The following PTPRD variants were observed in gnomAD, a reference collection of about 807,000 sequenced individuals.
The protein encoded by PTPRD is protein tyrosine phosphatase receptor type D.
A neutral mutation model predicts 214.5 loss-of-function variants in PTPRD; 34 were observed. The ratio of observed to expected loss-of-function variants is 0.16; its 90% confidence interval spans 0.12 to 0.21. The LOEUF (loss-of-function observed/expected upper bound fraction) is 0.21, where lower values mean the gene tolerates loss of function less well. Among genes scored for constraint, PTPRD ranks in the 10% least tolerant of loss-of-function variants. The pLI is 1.00. For missense variants in PTPRD, 2,545 were observed against 2,398.7 expected (o/e 1.06, Z -1.27); for synonymous variants, 1,128 against 845.7 (o/e 1.33, Z -5.79).
At chr9:9,721,867 C>G (rs544790843) in intron 7 of PTPRD, among the ~76,000 whole-genome samples, 70 of 152,060 alleles carry the variant, frequency 4.6e-4, no homozygotes, top group South Asian at 1.9e-3. Flanking sequence ...CAGTAATAAT[C>G]AAAGAGTAGG....
chr9:8,995,149 G>A (rs1390429315), intron 11 of PTPRD, among the ~76,000 whole-genome samples: 1 of 151,894 alleles, frequency 6.6e-6, no homozygotes, highest in Non-Finnish European at 1.5e-5. Context: ...TTTAAAAGGA[G>A]GAGAAACTTA....
chr9:10,506,034 T>C (rs969552996), intron 2 of PTPRD, among the ~76,000 whole-genome samples: 4 of 152,086 alleles, frequency 2.6e-5, no homozygotes, highest in African/African-American at 4.8e-5. Context: ...ATAAATATCA[T>C]TGAATCAAGG....
intron 8 of PTPRD, among the ~76,000 whole-genome samples, chr9:9,482,826 G>A (rs929286081): frequency 6.6e-6 from 1 of 152,044 alleles, no homozygotes; most frequent in African/African-American, 2.4e-5. Flanking sequence ...TTTTACTGAA[G>A]GATTTAAATA....
intron 9 of PTPRD, among the ~76,000 whole-genome samples, chr9:9,279,394 A>G (rs1946845446): frequency 7.0e-6 from 1 of 143,756 alleles, no homozygotes; most frequent in Non-Finnish European, 1.6e-5. Context: ...ATAGATAGAT[A>G]TAACACTTTA....
In PTPRD at chr9:10,053,327, CTT is replaced by C. The variant is rs1368751087; in HGVS notation, c.-544-19539_-544-19538del. Among the ~76,000 whole-genome samples, 3 of 152,152 alleles carry C rather than the reference CTT, an allele frequency of 2.0e-5. 1 individual carries two copies. The highest frequency in any genetic ancestry group is 7.2e-5 in the African/African-American group (3 of 41,438). ...TGCCTTATTTCTGCAATCATATTCT[CTT>C]TTGTTCTTAGTATTCCAAGATGAGG... On this transcript the variant is annotated intron_variant, in intron 3 of 45. Coordinates refer to ENST00000381196, the MANE Select transcript of PTPRD (RefSeq NM_002839.4).
intron 13 of PTPRD, among the ~76,000 whole-genome samples, chr9:8,635,746 A>G (rs2096410246): frequency 6.6e-6 from 1 of 152,116 alleles, no homozygotes. Context: ...GAGTTTCACA[A>G]TTTCAGGCAG....
At chr9:10,011,294 G>T (rs1054450117) in intron 4 of PTPRD, among the ~76,000 whole-genome samples, 7 of 151,910 alleles carry the variant, frequency 4.6e-5, no homozygotes, top group Admixed American at 2.0e-4. Flanking sequence ...ATATTGGTGG[G>T]TTGGATTGAA....
At chr9:10,595,443 C>T (rs2076400148) in intron 2 of PTPRD, among the ~76,000 whole-genome samples, 1 of 151,552 alleles carries the variant, frequency 6.6e-6, no homozygotes. Flanking sequence ...CTCTAAATTT[C>T]TGCAAAGGGA....
chr9:10,503,522 G>T (rs2044620018), intron 2 of PTPRD, among the ~76,000 whole-genome samples: 2 of 151,942 alleles, frequency 1.3e-5, no homozygotes, highest in African/African-American at 4.8e-5. Context: ...GAGAGGGGCA[G>T]GATATATAGA....
intron 10 of PTPRD, among the ~76,000 whole-genome samples, chr9:9,125,307 G>A (rs1476843550): frequency 6.6e-6 from 1 of 152,116 alleles, no homozygotes; most frequent in Non-Finnish European, 1.5e-5. Context: ...CCAGAGAAGG[G>A]CTGATATTTC....
chr9:8,867,151 C>G (rs150785748), intron 11 of PTPRD, among the ~76,000 whole-genome samples: 2 of 152,208 alleles, frequency 1.3e-5, no homozygotes, highest in African/African-American at 4.8e-5. Flanking sequence ...GACGGACACT[C>G]TTAATATCTC....
At chr9:9,449,150 C>A (rs1447447229) in intron 8 of PTPRD, among the ~76,000 whole-genome samples, 1 of 152,010 alleles carries the variant, frequency 6.6e-6, no homozygotes, top group Non-Finnish European at 1.5e-5. Flanking sequence ...ACAGTGAATT[C>A]TTTCTTCACG....
At chr9:9,629,490 T>C (rs1320903141) in intron 7 of PTPRD, among the ~76,000 whole-genome samples, 1 of 152,078 alleles carries the variant, frequency 6.6e-6, no homozygotes, top group South Asian at 2.1e-4. Context: ...CTGATTGTAA[T>C]TTGGGGATAT....
intron 8 of PTPRD, among the ~76,000 whole-genome samples, chr9:9,566,946 AT>A (rs1301409746): frequency 4.6e-5 from 7 of 152,226 alleles, no homozygotes; most frequent in South Asian, 2.1e-4. Context: ...TATGACAGTG[AT>A]TACAGAGTCA....
chr9:9,992,554 T>A (rs547113531), intron 4 of PTPRD, among the ~76,000 whole-genome samples: 5 of 152,324 alleles, frequency 3.3e-5, no homozygotes, highest in African/African-American at 9.6e-5. Flanking sequence ...CCAACCCAAA[T>A]GTCCATCAAT....
chr9:10,024,963 T>C (rs1349500788), intron 4 of PTPRD, among the ~76,000 whole-genome samples: 1 of 151,868 alleles, frequency 6.6e-6, no homozygotes, highest in South Asian at 2.1e-4. Context: ...CATGAACTCA[T>C]CATTTTTTAT....
intron 12 of PTPRD, among the ~76,000 whole-genome samples, chr9:8,730,325 G>C (rs1215918328): frequency 1.3e-5 from 2 of 152,068 alleles, no homozygotes; most frequent in Non-Finnish European, 2.9e-5. Context: ...TTAACAATAA[G>C]GAAGGAGAAT....
At chr9:9,230,303 CA>C (rs1377151043) in intron 9 of PTPRD, among the ~76,000 whole-genome samples, 2 of 152,038 alleles carry the variant, frequency 1.3e-5, no homozygotes, top group Non-Finnish European at 2.9e-5. Flanking sequence ...ATCTCTTCAA[CA>C]AAATTTGACG....
chr9:10,116,074 A>T (rs2098728582), intron 3 of PTPRD, among the ~76,000 whole-genome samples: 1 of 152,104 alleles, frequency 6.6e-6, no homozygotes, highest in African/African-American at 2.4e-5. Flanking sequence ...TGTATTTATA[A>T]TTATATCAGG....
Sources: allele counts gnomAD v4.1 joint callset (sites outside exome capture counted in the v4.1 genomes callset), GRCh38; gene constraint gnomAD v4.1.1; transcripts MANE v1.5; gene names NCBI Gene and HGNC (gene_info 2026-07-23, HGNC 2026-07-21).